DHX57: variants seen among roughly 807,000 people sequenced by gnomAD.
DHX57 encodes the protein DExH-box helicase 57.
Under a neutral mutation model 156.2 loss-of-function variants are expected in DHX57, and 105 were observed. That is an observed-to-expected ratio of 0.67 (90% CI 0.57 to 0.79). The LOEUF (loss-of-function observed/expected upper bound fraction) is 0.79, where lower values mean the gene tolerates loss of function less well. Ranked by LOEUF, DHX57 falls within the 30% of genes least tolerant of loss-of-function variation. The pLI is 0.00. For missense variants in DHX57, 1,847 were observed against 1,661.9 expected (o/e 1.11, Z -1.94); for synonymous variants, 704 against 595.6 (o/e 1.18, Z -2.65).
Position 38,847,063 on chromosome 2 carries a change from A to G in DHX57, c.2175T>C (p.Phe725=). 4 of 1,613,630 alleles carry G rather than the reference A, an allele frequency of 2.5e-6. No individual in the cohort carries two copies. The highest frequency in any genetic ancestry group is 3.4e-6 in the Non-Finnish European group (4 of 1,179,680). The change falls in exon 11 of 24, where the codon TTT becomes TTC. Residue 725 remains phenylalanine, a synonymous_variant. Coordinates refer to ENST00000457308, the MANE Select transcript of DHX57 (RefSeq NM_198963.3). The stretch of plus-strand genomic sequence containing the variant: ...CTTCCAAAAAAAATTGATCAACAGG[A>G]AATGTACGACCTAGAAAAACAAGGA... ...CPVITIPGRT[F]PVDQFFLEDA... is the part of the protein sequence containing the mutation.
rs983359314 is a variant in DHX57, at chr2:38,842,886, G to C, written c.2425+119C>G. ...TTTCTAGGTTTAAGGTTGCTCTGAT[G>C]AATTAAAGGCAATGTAACTATGAAA... On this transcript the variant is annotated intron_variant, in intron 12 of 23. Transcript: ENST00000457308. 123 of 1,047,640 alleles carry C rather than the reference G, an allele frequency of 1.2e-4. 1 individual carries two copies. The South Asian group carries it at 1.9e-3, about 16-fold the overall frequency. The allele number at this position is 1,047,640 out of a possible 1,614,324, so 64.9% of individuals were successfully genotyped here.
chr2:38,830,631 TAA>T (rs569419701), intron 13 of DHX57, among the ~76,000 whole-genome samples: 11 of 119,352 alleles, frequency 9.2e-5, no homozygotes, highest in Admixed American at 8.3e-5. Context: ...TCCGTCTCAA[TAA>T]AAAAAAAAAA....
rs1558352780 is a variant in DHX57, at chr2:38,806,539, GTAT to G, written c.3816+17_3816+19del. 6.2e-7 allele frequency: 1 copy of G among 1,612,134 alleles called. No homozygotes were observed. Among genetic ancestry groups the G allele is most frequent in the East Asian group, 2.2e-5 (1 of 44,834 alleles). On this transcript the variant is annotated intron_variant, in intron 22 of 23. Transcript: ENST00000457308. ...CCCCAGGACGACCTGTAAACATTAA[GTAT>G]ACTCCACCATTCTGACCTGATAGTT... is the stretch of plus-strand genomic sequence containing the variant.
rs149408567 is a variant in DHX57 at position 38,829,459 on chromosome 2, G to C, written c.2543-1023C>G. ...AGCTAATTTTTGTAGTTTTAGTAGA[G>C]ACAGGTTTCACCATGTTGGTCAGGC... On this transcript the variant is annotated intron_variant, in intron 13 of 23. Transcript: ENST00000457308. Among the ~76,000 whole-genome samples the C allele has an allele frequency of 6.0e-3, 917 of 151,804 alleles. 4 individuals carry two copies. The highest frequency in any genetic ancestry group is 0.015 in the African/African-American group (636 of 41,362).
At chr2:38,849,329 A>T (rs1410904258) in intron 9 of DHX57, among the ~76,000 whole-genome samples, 1 of 152,232 alleles carries the variant, frequency 6.6e-6, no homozygotes, top group African/African-American at 2.4e-5. Flanking sequence ...TGCACGGCAG[A>T]ATAACACCAC....
intron 21 of DHX57, among the ~76,000 whole-genome samples, chr2:38,813,107 A>C (rs1009213814): frequency 1.3e-5 from 2 of 151,964 alleles, no homozygotes; most frequent in Admixed American, 1.3e-4. Context: ...CGGCTTCCCA[A>C]AGTGTTGGGA....
At position 38,837,962 on chromosome 2, in the gene DHX57, G is replaced by A; in HGVS notation, c.2426-15C>T. 1 of 1,510,682 alleles carries A rather than the reference G, an allele frequency of 6.6e-7. No individual in the cohort carries two copies. The highest frequency in any genetic ancestry group is 9.2e-7 in the Non-Finnish European group (1 of 1,087,784). 93.6% of individuals were successfully genotyped at this position (1,510,682 alleles called of 1,614,324 possible). A position where few individuals can be genotyped will look rare whatever the true frequency, so the allele number is the denominator to read the frequency against. On this transcript the variant is annotated splice_polypyrimidine_tract_variant and intron_variant, in intron 12 of 23. Transcript: ENST00000457308. ...CTTGCTAACCCCTGAAAGAAAGAAA[G>A]GTAAAAATGAGAAGGATATTTATAC...
chr2:38,813,845 A>G lies in DHX57; in HGVS notation c.3657T>C (p.Ala1219=). The change falls in exon 21 of 24, where the codon GCT becomes GCC. Residue 1219 remains alanine (A), a synonymous_variant. Transcript: ENST00000457308. ...NPKLISAMLC[A]ALYPNVVQVK... is the part of the protein sequence containing the mutation. ...CCTGCACTACATTTGGATACAAAGC[A>G]GCACACAGCATTGCTGATATCAGCT... The G allele has an allele frequency of 6.2e-7, 1 of 1,613,806 alleles. No homozygotes were observed. The highest frequency in any genetic ancestry group is 8.5e-7 in the Non-Finnish European group (1 of 1,179,744).
At chr2:38,855,374 G>T in intron 7 of DHX57, 122 bp from the exon 8 acceptor site, 2 of 1,132,300 alleles carry the variant, frequency 1.8e-6, no homozygotes, top group Non-Finnish European at 2.6e-6. Context: ...TCAGTTTCAG[G>T]TATTTTCTAA....
intron 13 of DHX57, among the ~76,000 whole-genome samples, chr2:38,835,985 G>A (rs1671635053): frequency 1.3e-5 from 2 of 152,184 alleles, no homozygotes; most frequent in South Asian, 4.1e-4. Flanking sequence ...ATGACTTGAT[G>A]GAGATGAGTG....
chr2:38,868,481 C>T (rs1665195348), intron 1 of DHX57, 70 bp from the exon 2 acceptor site: 7 of 1,459,200 alleles, frequency 4.8e-6, no homozygotes, highest in South Asian at 2.4e-5. Flanking sequence ...GTTTGCCAAA[C>T]TTATGAATAT....
chr2:38,856,224 GTA>G (rs1425219709), intron 7 of DHX57, 114 bp downstream of exon 7: 1 of 1,410,112 alleles, frequency 7.1e-7, no homozygotes, highest in African/African-American at 1.5e-5. Flanking sequence ...CAAGGCAGAT[GTA>G]TATAATATCT....
Position 38,802,770 on chromosome 2 carries a change from T to C in DHX57, c.3962A>G (p.Glu1321Gly). 6.2e-7 allele frequency: 1 copy of C among 1,614,000 alleles called. No homozygotes were observed. Among genetic ancestry groups the C allele is most frequent in the South Asian group, 1.1e-5 (1 of 91,068 alleles). The stretch of plus-strand genomic sequence containing the variant: ...ACCATCATCCAGGGAGACAACGAAC[T>C]CTCCTCTTTGAAGCTGCACATTCAC... ...GQVNVQLQRG[E>G]FVVSLDDGWI... The change falls in exon 23 of 24, where the codon GAG becomes GGG. Residue 1321 changes from glutamate to glycine, a missense_variant. Physicochemically the swap from Glu to Gly is moderately conservative, Grantham distance 98. Coordinates refer to ENST00000457308, the MANE Select transcript of DHX57 (RefSeq NM_198963.3).
chr2:38,825,064 TA>T (rs771623454), intron 16 of DHX57, among the ~76,000 whole-genome samples: 1 of 151,366 alleles, frequency 6.6e-6, no homozygotes, highest in Non-Finnish European at 1.5e-5. Context: ...GTTCTCATTT[TA>T]AAAAAAAACA....
At chr2:38,854,242 A>T in intron 8 of DHX57, 64 bp from the exon 9 acceptor site, 6 of 1,551,830 alleles carry the variant, frequency 3.9e-6, no homozygotes, top group Non-Finnish European at 5.2e-6. Context: ...ACATTACTGG[A>T]AAGCCATTTT....
chr2:38,859,025 C>G (rs1299841320), intron 5 of DHX57, among the ~76,000 whole-genome samples, 189 bp from the exon 6 acceptor site: 1 of 152,024 alleles, frequency 6.6e-6, no homozygotes, highest in Non-Finnish European at 1.5e-5. Flanking sequence ...CTCAAATAAA[C>G]TTTTATCAAG....
At chr2:38,816,248 T>G (rs1368752307) in intron 19 of DHX57, 1 of 465,716 alleles carries the variant, frequency 2.1e-6, no homozygotes, top group African/African-American at 2.0e-5. Flanking sequence ...AGAGTCTTGC[T>G]CTGTCATCCA....
intron 11 of DHX57, among the ~76,000 whole-genome samples, chr2:38,846,481 TG>T: frequency 6.6e-6 from 1 of 150,490 alleles, no homozygotes; most frequent in Non-Finnish European, 1.5e-5. Context: ...AAATTAGGCA[TG>T]GGGGTGTGTG....
At chr2:38,870,149 T>C (rs1000350024) in intron 1 of DHX57, among the ~76,000 whole-genome samples, 13 of 151,990 alleles carry the variant, frequency 8.6e-5, no homozygotes, top group Admixed American at 8.5e-4. Context: ...AGACTGACAT[T>C]GATTATGCAA....
Sources: gnomAD v4.1 joint callset for allele counts (sites outside exome capture counted in the v4.1 genomes callset) on GRCh38, gnomAD v4.1.1 for gene constraint, MANE v1.5 for transcripts, NCBI Gene and HGNC (gene_info 2026-07-23, HGNC 2026-07-21) for gene names.